GRID1: variants seen among roughly 807,000 people sequenced by gnomAD.
The protein encoded by GRID1 is glutamate receptor ionotropic, delta-1.
In GRID1, 28 loss-of-function variants were observed where a neutral mutation model predicts 98.0. That is an observed-to-expected ratio of 0.29 (90% CI 0.21 to 0.39). GRID1 has a LOEUF of 0.39. Among genes scored for constraint, GRID1 ranks in the 10% least tolerant of loss-of-function variants. The pLI is 1.00. For synonymous variants in GRID1, 553 were observed against 538.5 expected (o/e 1.03, Z -0.37); for missense variants, 1,111 against 1,340.5 (o/e 0.83, Z 2.67).
rs187241843 is a variant in GRID1, at chr10:86,268,651, T to G, written c.236-62003A>C. Among the ~76,000 whole-genome samples, 11 of 152,296 alleles carry G rather than the reference T, an allele frequency of 7.2e-5. No individual in the cohort carries two copies. In the East Asian group the frequency reaches 1.9e-3, roughly 27 times the overall value. Reference sequence around the variant, plus strand: ...CAGATATGTCCCTATGATAACCACATGATGAAATCTGAAAAAGTAAGAGGC... The same window carrying G: ...CAGATATGTCCCTATGATAACCACAGGATGAAATCTGAAAAAGTAAGAGGC... On this transcript the variant is annotated intron_variant, in intron 2 of 15. Coordinates refer to ENST00000327946, the MANE Select transcript of GRID1 (RefSeq NM_017551.3).
intron 6 of GRID1, among the ~76,000 whole-genome samples, chr10:85,864,087 G>C (rs1225438841): frequency 6.6e-6 from 1 of 152,232 alleles, no homozygotes; most frequent in Non-Finnish European, 1.5e-5. Flanking sequence ...GGACAGTTCA[G>C]TGAGACATCA....
intron 4 of GRID1, among the ~76,000 whole-genome samples, chr10:86,117,257 C>T (rs911269571): frequency 6.6e-6 from 1 of 151,504 alleles, no homozygotes; most frequent in Non-Finnish European, 1.5e-5. Flanking sequence ...CTACCACTAT[C>T]ACCACCACCA....
intron 4 of GRID1, among the ~76,000 whole-genome samples, chr10:85,932,270 G>A (rs1841866126): frequency 6.6e-6 from 1 of 152,124 alleles, no homozygotes; most frequent in Non-Finnish European, 1.5e-5. Flanking sequence ...TGAGTGCAGT[G>A]GCACAATCCT....
At chr10:85,788,138 C>CCAATT (rs1490192939) in intron 8 of GRID1, among the ~76,000 whole-genome samples, 1 of 151,982 alleles carries the variant, frequency 6.6e-6, no homozygotes, top group African/African-American at 2.4e-5. Context: ...ACAGCAGACA[C>CCAATT]CAATTAAGAG....
chr10:85,711,078 A>G (rs1016221184), intron 12 of GRID1, among the ~76,000 whole-genome samples: 4 of 152,058 alleles, frequency 2.6e-5, no homozygotes, highest in African/African-American at 9.6e-5. Flanking sequence ...ATTCTTCAAA[A>G]AAATTAAACA....
intron 8 of GRID1, among the ~76,000 whole-genome samples, chr10:85,768,761 A>T (rs1164159268): frequency 6.6e-6 from 1 of 152,238 alleles, no homozygotes; most frequent in Non-Finnish European, 1.5e-5. Flanking sequence ...GCTATAAGGA[A>T]ATTGGAACCC....
chr10:85,747,463 A>G (rs566474234), intron 8 of GRID1, among the ~76,000 whole-genome samples: 1 of 152,224 alleles, frequency 6.6e-6, no homozygotes, highest in African/African-American at 2.4e-5. Context: ...CTTATTTGAC[A>G]TTCTGGGAGC....
At chr10:85,871,003 G>A (rs1296511354) in intron 5 of GRID1, among the ~76,000 whole-genome samples, 1 of 152,134 alleles carries the variant, frequency 6.6e-6, no homozygotes, top group Non-Finnish European at 1.5e-5. Context: ...AGAGAGCAGA[G>A]AAGAGAGCAC....
chr10:86,243,290 TG>T (rs1365884444), intron 2 of GRID1, among the ~76,000 whole-genome samples: 1 of 152,108 alleles, frequency 6.6e-6, no homozygotes, highest in Admixed American at 6.5e-5. Context: ...AGGTCTCCTC[TG>T]GGGGAGGACA....
intron 12 of GRID1, among the ~76,000 whole-genome samples, chr10:85,681,358 A>AACACCTAT (rs1163120511): frequency 6.6e-6 from 1 of 151,820 alleles, no homozygotes; most frequent in Non-Finnish European, 1.5e-5. Context: ...TAATTCAAAC[A>AACACCTAT]ACACCTATGA....
intron 12 of GRID1, among the ~76,000 whole-genome samples, chr10:85,706,107 G>A (rs1282476750): frequency 6.6e-6 from 1 of 152,164 alleles, no homozygotes; most frequent in Admixed American, 6.5e-5. Context: ...GGAAGTTCTG[G>A]CCAGGGCAAT....
At chr10:85,721,730 A>C (rs1841704912) in intron 12 of GRID1, among the ~76,000 whole-genome samples, 1 of 152,218 alleles carries the variant, frequency 6.6e-6, no homozygotes, top group African/African-American at 2.4e-5. Context: ...GGGTGGTTAT[A>C]AAAGGACAAC....
intron 4 of GRID1, among the ~76,000 whole-genome samples, chr10:86,008,384 T>A (rs986667344): frequency 2.0e-5 from 3 of 151,884 alleles, no homozygotes; most frequent in Admixed American, 2.0e-4. Context: ...AAAAAAAAAC[T>A]GTATAGAATA....
intron 2 of GRID1, chr10:86,264,914 C>A (rs1847080981): frequency 8.0e-6 from 3 of 375,824 alleles, no homozygotes; most frequent in Non-Finnish European, 1.6e-5. Flanking sequence ...AGGGCTACTC[C>A]CCGGCCCCCA....
intron 8 of GRID1, among the ~76,000 whole-genome samples, chr10:85,837,346 G>T (rs950543391): frequency 1.3e-5 from 2 of 152,176 alleles, no homozygotes; most frequent in Non-Finnish European, 2.9e-5. Flanking sequence ...ACTACCAGCT[G>T]CCTTGCCTCT....
At position 85,860,029 on chromosome 10, in the gene GRID1, G is replaced by A. The variant is rs937603641; in HGVS notation, c.952-3839C>T. Among the ~76,000 whole-genome samples the A allele has an allele frequency of 3.9e-5, 6 of 152,188 alleles. 1 individual carries two copies. In the South Asian group the frequency reaches 1.2e-3, roughly 32 times the overall value. On this transcript the variant is annotated intron_variant, in intron 6 of 15. Coordinates refer to ENST00000327946, the MANE Select transcript of GRID1 (RefSeq NM_017551.3). ...GTTGGTCATGCCAAGCCCCTGAGAAGGAAGTCTGGAAGGAGAGAGGCTCCC... is the reference window on the plus strand; with the variant it reads ...GTTGGTCATGCCAAGCCCCTGAGAAAGAAGTCTGGAAGGAGAGAGGCTCCC...
intron 12 of GRID1, among the ~76,000 whole-genome samples, chr10:85,698,111 G>T (rs1456011909): frequency 6.6e-6 from 1 of 151,814 alleles, no homozygotes; most frequent in African/African-American, 2.4e-5. Context: ...GAGAGTGCAG[G>T]TACCACCGAA....
chr10:86,250,374 C>T (rs79557200), intron 2 of GRID1, among the ~76,000 whole-genome samples: 277 of 152,322 alleles, frequency 1.8e-3, no homozygotes, highest in African/African-American at 5.9e-3. Flanking sequence ...AGTTACCATC[C>T]CCATGCACAG....
At chr10:86,236,450 A>G (rs1341478944) in intron 2 of GRID1, among the ~76,000 whole-genome samples, 1 of 152,188 alleles carries the variant, frequency 6.6e-6, no homozygotes, top group African/African-American at 2.4e-5. Flanking sequence ...TGAAAAACGG[A>G]GCCACCACTA....
Sources: allele counts gnomAD v4.1 joint callset (sites outside exome capture counted in the v4.1 genomes callset), GRCh38; gene constraint gnomAD v4.1.1; transcripts MANE v1.5; gene names NCBI Gene and HGNC (gene_info 2026-07-23, HGNC 2026-07-21).